Variants in LHFPL6 observed in about 807,000 individuals in gnomAD.
LHFPL6 encodes the protein LHFPL tetraspan subfamily member 6.
LHFPL6 carries 9 observed loss-of-function variants against 20.6 expected under a neutral mutation model. The ratio of observed to expected loss-of-function variants is 0.44; its 90% CI spans 0.26 to 0.76. The LOEUF is 0.76. Ranked by LOEUF, LHFPL6 falls within the 30% of genes least tolerant of loss-of-function variation. The pLI, the probability that LHFPL6 is intolerant of heterozygous loss-of-function variation, is 0.20. For synonymous variants in LHFPL6, 105 were observed against 98.7 expected (o/e 1.06, Z -0.38); for missense variants, 218 against 253.5 (o/e 0.86, Z 0.95).
At chr13:39,347,162 G>A (rs1001582416) in intron 3 of LHFPL6, among the ~76,000 whole-genome samples, 1 of 147,398 alleles carries the variant, frequency 6.8e-6, no homozygotes, top group Non-Finnish European at 1.5e-5. Flanking sequence ...GGGCTTAAAT[G>A]TCTGCTGACC....
intron 2 of LHFPL6, among the ~76,000 whole-genome samples, chr13:39,389,714 T>C (rs1870655834): frequency 6.6e-6 from 1 of 152,200 alleles, no homozygotes; most frequent in Non-Finnish European, 1.5e-5. Flanking sequence ...AGATGTTCTA[T>C]AGGAGATCAC....
At chr13:39,462,655 T>G (rs1034953057) in intron 2 of LHFPL6, among the ~76,000 whole-genome samples, 2 of 150,354 alleles carry the variant, frequency 1.3e-5, no homozygotes, top group African/African-American at 5.0e-5. Context: ...AAGTGGGCAG[T>G]GGACATTCCT....
intron 2 of LHFPL6, among the ~76,000 whole-genome samples, chr13:39,543,612 C>T (rs1870879694): frequency 1.4e-5 from 2 of 144,618 alleles, no homozygotes; most frequent in Middle Eastern, 3.4e-3. Context: ...TCTGGCCCCC[C>T]GCAGACAAAA....
chr13:39,459,467 G>C (rs1035485817), intron 2 of LHFPL6, among the ~76,000 whole-genome samples: 1 of 152,010 alleles, frequency 6.6e-6, no homozygotes, highest in Non-Finnish European at 1.5e-5. Flanking sequence ...AGCCACAAGC[G>C]GTTCCACCCT....
At chr13:39,512,908 C>T (rs921314071) in intron 2 of LHFPL6, among the ~76,000 whole-genome samples, 2 of 152,224 alleles carry the variant, frequency 1.3e-5, no homozygotes, top group South Asian at 2.1e-4. Flanking sequence ...GCTTGAAAGA[C>T]GTGCCCAGGC....
At chr13:39,400,760 G>A (rs1159818847) in intron 2 of LHFPL6, among the ~76,000 whole-genome samples, 1 of 114,506 alleles carries the variant, frequency 8.7e-6, no homozygotes, top group African/African-American at 3.4e-5. Context: ...TCCAGCCTGG[G>A]CGACAGAGCG....
At chr13:39,366,755 G>T (rs1027236705) in intron 3 of LHFPL6, among the ~76,000 whole-genome samples, 2 of 152,138 alleles carry the variant, frequency 1.3e-5, no homozygotes, top group Non-Finnish European at 2.9e-5. Flanking sequence ...TCCTCACAGG[G>T]GCTGATGTGA....
intron 3 of LHFPL6, among the ~76,000 whole-genome samples, chr13:39,357,775 A>T (rs1054754807): frequency 5.9e-5 from 9 of 152,200 alleles, no homozygotes; most frequent in African/African-American, 2.2e-4. Context: ...AATACCTAGG[A>T]ATACATGTAA....
chr13:39,378,315 C>T (rs1296017388), intron 3 of LHFPL6, 113 bp downstream of exon 3: 1 of 716,386 alleles, frequency 1.4e-6, no homozygotes, highest in Non-Finnish European at 2.4e-6. Flanking sequence ...TGACTACTGG[C>T]TGTAATACCC....
rs1165017315 is a variant in LHFPL6, at chr13:39,360,079, G to A, written c.485-16025C>T. On this transcript the variant is annotated intron_variant, in intron 3 of 3. Transcript: ENST00000379589. ...TCTGTCGCCCAGGTTGGAGTGCAGTGGCACGATCTCTGCTCACTGCAAGCT... is the reference window on the plus strand; with the variant it reads ...TCTGTCGCCCAGGTTGGAGTGCAGTAGCACGATCTCTGCTCACTGCAAGCT... Among the ~76,000 whole-genome samples, 2 of 125,306 alleles carry A rather than the reference G, an allele frequency of 1.6e-5. 1 individual carries two copies. The highest frequency in any genetic ancestry group is 3.5e-5 in the Non-Finnish European group (2 of 56,422). 82.2% of individuals were successfully genotyped at this position (125,306 alleles called of 152,430 possible). A position where few individuals can be genotyped will look rare whatever the true frequency, so the allele number is the denominator to read the frequency against.
At chr13:39,584,801 A>G (rs908518793) in intron 2 of LHFPL6, among the ~76,000 whole-genome samples, 1 of 152,188 alleles carries the variant, frequency 6.6e-6, no homozygotes, top group African/African-American at 2.4e-5. Context: ...GCAGAAAATA[A>G]TGACTCCATT....
chr13:39,578,502 C>T (rs1174265872), intron 2 of LHFPL6, among the ~76,000 whole-genome samples: 6 of 152,096 alleles, frequency 3.9e-5, no homozygotes, highest in Non-Finnish European at 7.3e-5. Context: ...TGCATTGTGC[C>T]ATGAGGTGTG....
intron 2 of LHFPL6, among the ~76,000 whole-genome samples, chr13:39,387,118 T>C (rs1870585034): frequency 6.6e-6 from 1 of 152,240 alleles, no homozygotes; most frequent in African/African-American, 2.4e-5. Context: ...CACTCTATGT[T>C]TACTTGCATC....
At position 39,350,635 on chromosome 13, in the gene LHFPL6, A is replaced by T. The variant is rs79523638; in HGVS notation, c.485-6581T>A. ...TGTGATCCTTTCAGGAAATTAGAGAAGGAAATCTGTTTAAACTTTCCCTTT... is the reference window on the plus strand; with the variant it reads ...TGTGATCCTTTCAGGAAATTAGAGATGGAAATCTGTTTAAACTTTCCCTTT... On this transcript the variant is annotated intron_variant, in intron 3 of 3. Coordinates refer to ENST00000379589, the MANE Select transcript of LHFPL6 (RefSeq NM_005780.3). Among the ~76,000 whole-genome samples, 9 of 152,360 alleles carry T rather than the reference A, an allele frequency of 5.9e-5. No individual in the cohort carries two copies. The East Asian group carries it at 1.7e-3, about 29-fold the overall frequency.
intron 2 of LHFPL6, among the ~76,000 whole-genome samples, chr13:39,404,064 T>A (rs1341511702): frequency 6.6e-6 from 1 of 152,204 alleles, no homozygotes; most frequent in Non-Finnish European, 1.5e-5. Flanking sequence ...TGAGACTTTG[T>A]GGAGCTCAAG....
intron 2 of LHFPL6, among the ~76,000 whole-genome samples, chr13:39,566,566 C>T (rs772796001): frequency 1.1e-3 from 162 of 151,234 alleles, no homozygotes; most frequent in Non-Finnish European, 1.4e-3. Context: ...CACAGGGAGA[C>T]GCGGTCTCTA....
intron 2 of LHFPL6, among the ~76,000 whole-genome samples, chr13:39,594,447 C>A (rs1189395049): frequency 6.6e-6 from 1 of 152,124 alleles, no homozygotes; most frequent in Non-Finnish European, 1.5e-5. Flanking sequence ...GAATGGCAAT[C>A]ATTAAAAAGT....
At chr13:39,542,688 T>C (rs1870848533) in intron 2 of LHFPL6, among the ~76,000 whole-genome samples, 1 of 152,188 alleles carries the variant, frequency 6.6e-6, no homozygotes, top group African/African-American at 2.4e-5. Context: ...CCCAATTCTC[T>C]GCAACCCCCA....
intron 2 of LHFPL6, among the ~76,000 whole-genome samples, chr13:39,572,455 C>A (rs1446666774): frequency 2.0e-5 from 3 of 152,028 alleles, no homozygotes; most frequent in Admixed American, 6.6e-5. Flanking sequence ...AGGTTCCAGT[C>A]CGATTCTCAA....
Sources: gnomAD v4.1 joint callset for allele counts (sites outside exome capture counted in the v4.1 genomes callset) on GRCh38, gnomAD v4.1.1 for gene constraint, MANE v1.5 for transcripts, NCBI Gene and HGNC (gene_info 2026-07-23, HGNC 2026-07-21) for gene names.